CDC73: variants seen among roughly 807,000 people sequenced by gnomAD.
The protein encoded by CDC73 is parafibromin.
Under a neutral mutation model 83.7 loss-of-function variants are expected in CDC73, and 21 were observed. The observed-to-expected ratio is 0.25, with a 90% CI of 0.18 to 0.36. CDC73 has a LOEUF of 0.36. CDC73 is among the 10% of genes least tolerant of loss of function. The pLI is 1.00. For synonymous variants in CDC73, 224 were observed against 212.9 expected, an observed-to-expected ratio of 1.05 and a Z score of -0.45; for missense variants, 342 against 653.3, an observed-to-expected ratio of 0.52 and a Z score of 5.19.
In CDC73 at chr1:193,125,145, C is replaced by A; in HGVS notation, c.165C>A (p.Tyr55Ter). The change falls in exon 2 of 17, where the codon TAC becomes TAA. Residue 55 changes from tyrosine to a stop codon, truncating the protein, a stop_gained. Transcript: ENST00000367435. LOFTEE classifies it high-confidence loss of function. ...TGKEGQPREY[Y>*]TLDSILFLLN... The stretch of plus-strand genomic sequence containing the variant: ...AGGAAGGCCAACCCAGAGAGTACTA[C>A]ACATTGGATTCCATTTTATTTCTAC... 1 of 1,608,646 alleles carries A rather than the reference C, an allele frequency of 6.2e-7. No individual in the cohort carries two copies. The highest frequency in any genetic ancestry group is 8.5e-7 in the Non-Finnish European group (1 of 1,174,938).
At chr1:193,210,885 GAAA>G (rs140535902) in intron 11 of CDC73, among the ~76,000 whole-genome samples, 2 of 150,290 alleles carry the variant, frequency 1.3e-5, no homozygotes, top group Non-Finnish European at 3.0e-5. Context: ...TTAAAAGAAA[GAAA>G]AAAAAATAAA....
chr1:193,207,763 T>G (rs2103181570), intron 11 of CDC73, among the ~76,000 whole-genome samples: 1 of 152,306 alleles, frequency 6.6e-6, no homozygotes, highest in South Asian at 2.1e-4. Context: ...CACACATGTT[T>G]TACAATCAAT....
intron 10 of CDC73, among the ~76,000 whole-genome samples, chr1:193,191,221 A>T (rs1676912414): frequency 6.6e-6 from 1 of 152,170 alleles, no homozygotes; most frequent in Admixed American, 6.5e-5. Context: ...TCAAAAAATG[A>T]AATTGTGTTC....
At chr1:193,127,086 T>C (rs994772317) in intron 2 of CDC73, among the ~76,000 whole-genome samples, 1 of 151,592 alleles carries the variant, frequency 6.6e-6, no homozygotes, top group South Asian at 2.1e-4. Context: ...CTGGGCAACA[T>C]AGGGAAACTT....
intron 2 of CDC73, among the ~76,000 whole-genome samples, chr1:193,128,568 G>A (rs542543776): frequency 2.6e-5 from 4 of 152,090 alleles, no homozygotes; most frequent in African/African-American, 9.6e-5. Flanking sequence ...GCCTCCCAGA[G>A]TGTTAGGATT....
At chr1:193,156,851 G>T (rs1269321202) in intron 10 of CDC73, among the ~76,000 whole-genome samples, 1 of 152,070 alleles carries the variant, frequency 6.6e-6, no homozygotes, top group Non-Finnish European at 1.5e-5. Flanking sequence ...TTTGTTGAGT[G>T]CATGCTGTGT....
chr1:193,122,042 T>A lies in CDC73; in HGVS notation c.-159T>A. On this transcript the variant is annotated 5_prime_UTR_variant, in exon 1 of 17. Transcript: ENST00000367435. ...CGGCGGCCTGGGTGGCTACTGCCCC[T>A]GCTGCTGTCGTAGGCGAGGACGGCT... The A allele has an allele frequency of 2.9e-6, 2 of 686,260 alleles. No homozygotes were observed. Among genetic ancestry groups the A allele is most frequent in the Admixed American group, 2.3e-5 (1 of 42,780 alleles). 42.5% of individuals were successfully genotyped at this position (686,260 alleles called of 1,614,324 possible).
Position 193,249,311 on chromosome 1 carries a change from T to G in CDC73, c.1418-419T>G, listed in dbSNP as rs181833036. ...GTACACTGTTTTTTAGACATAATGC[T>G]ATTGCACACGTAATATAGACTGTGA... On this transcript the variant is annotated intron_variant, in intron 15 of 16. Coordinates refer to ENST00000367435, the MANE Select transcript of CDC73 (RefSeq NM_024529.5). Among the ~76,000 whole-genome samples, 234 of 152,202 alleles carry G rather than the reference T, an allele frequency of 1.5e-3. 1 individual carries two copies. Among genetic ancestry groups the G allele is most frequent in the East Asian group, 9.6e-4 (5 of 5,192 alleles).
At chr1:193,167,385 C>A (rs1246648382) in intron 10 of CDC73, among the ~76,000 whole-genome samples, 1 of 152,070 alleles carries the variant, frequency 6.6e-6, no homozygotes, top group Non-Finnish European at 1.5e-5. Context: ...TCGAATAAAC[C>A]ATAACTGAGT....
At chr1:193,207,486 C>T (rs1677207487) in intron 11 of CDC73, among the ~76,000 whole-genome samples, 1 of 152,162 alleles carries the variant, frequency 6.6e-6, no homozygotes, top group South Asian at 2.1e-4. Context: ...ATCTCAACCA[C>T]ATAAGACAGA....
intron 1 of CDC73, 82 bp downstream of exon 1, chr1:193,122,413 C>G (rs1675469499): frequency 6.4e-7 from 1 of 1,569,676 alleles, no homozygotes; most frequent in Non-Finnish European, 8.8e-7. Context: ...ACCCCTCCCC[C>G]CGTTTCCCCT....
At chr1:193,206,767 T>C (rs371572003) in intron 11 of CDC73, among the ~76,000 whole-genome samples, 1 of 152,256 alleles carries the variant, frequency 6.6e-6, no homozygotes, top group Non-Finnish European at 1.5e-5. Flanking sequence ...GGTGGAGTTC[T>C]GTTTTTTGAG....
intron 10 of CDC73, among the ~76,000 whole-genome samples, chr1:193,183,146 T>C (rs530674812): frequency 1.3e-5 from 2 of 151,946 alleles, no homozygotes; most frequent in African/African-American, 4.8e-5. Context: ...TTCACATACA[T>C]AACGTTAAGT....
rs1484164250 is a variant in CDC73 at position 193,250,805 on chromosome 1, T to C, written c.*93T>C. The C allele has an allele frequency of 9.0e-7, 1 of 1,106,144 alleles. No individual in the cohort carries two copies. The highest frequency in any genetic ancestry group is 1.4e-6 in the Non-Finnish European group (1 of 725,446). The allele number at this position is 1,106,144 out of a possible 1,614,324, so 68.5% of individuals were successfully genotyped here. ...TGAAGAAGGTCACAGATTGATCTTT[T>C]ATAAGACCTTATTTGATGCTTTGTG... On this transcript the variant is annotated 3_prime_UTR_variant, in exon 17 of 17. Transcript: ENST00000367435.
At chr1:193,137,450 A>G (rs756659626) in intron 5 of CDC73, among the ~76,000 whole-genome samples, 3 of 152,194 alleles carry the variant, frequency 2.0e-5, no homozygotes, top group Non-Finnish European at 4.4e-5. Context: ...GATCAGGGTT[A>G]CCAGATTTTG....
chr1:193,125,100 T>A lies in CDC73; in HGVS notation c.132-12T>A, dbSNP rs751268088. ...ATTGTCAGTAAAAAAAATCTTGCCT[T>A]AATTATTTCAGGACTGGAAAGGAAG... On this transcript the variant is annotated splice_polypyrimidine_tract_variant and intron_variant, in intron 1 of 16. Transcript: ENST00000367435. The A allele has an allele frequency of 1.3e-5, 18 of 1,394,696 alleles. No individual in the cohort carries two copies. Among genetic ancestry groups the A allele is most frequent in the South Asian group, 1.0e-4 (9 of 86,828 alleles). The allele number at this position is 1,394,696 out of a possible 1,614,324, so 86.4% of individuals were successfully genotyped here. A position where few individuals can be genotyped will look rare whatever the true frequency, so the allele number is the denominator to read the frequency against.
Position 193,203,864 on chromosome 1 carries a change from G to T in CDC73, c.1030+12G>T, listed in dbSNP as rs1227935949. On this transcript the variant is annotated intron_variant, in intron 11 of 16. Coordinates refer to ENST00000367435, the MANE Select transcript of CDC73 (RefSeq NM_024529.5). ...AGTACCAAGACCAGGTAGAAATATA[G>T]AACTTTGCTTTTTGTTTTCTTTCAA... The T allele has an allele frequency of 6.2e-7, 1 of 1,612,488 alleles. No homozygotes were observed. The highest frequency in any genetic ancestry group is 8.5e-7 in the Non-Finnish European group (1 of 1,178,608).
chr1:193,167,344 C>G (rs987446188), intron 10 of CDC73, among the ~76,000 whole-genome samples: 1 of 152,072 alleles, frequency 6.6e-6, no homozygotes, highest in Non-Finnish European at 1.5e-5. Context: ...AGGCTAATTC[C>G]TCAGCCACTT....
Position 193,148,639 on chromosome 1 carries a change from ATTTTTT to A in CDC73, c.828+695_828+700del, listed in dbSNP as rs894987430. Among the ~76,000 whole-genome samples the A allele has an allele frequency of 1.9e-4, 22 of 113,682 alleles. No homozygotes were observed. In the East Asian group the frequency reaches 3.0e-3, roughly 16 times the overall value. The allele number at this position is 113,682 out of a possible 152,430, so 74.6% of individuals were successfully genotyped here. ...AGATTCTATAAATAGAAAATTTATA[ATTTTTT>A]TTTTTTTTTTTTTTTTTTTTGAGAC... On this transcript the variant is annotated intron_variant, in intron 8 of 16. Transcript: ENST00000367435.
Sources: gnomAD v4.1 joint callset for allele counts (sites outside exome capture counted in the v4.1 genomes callset) on GRCh38, gnomAD v4.1.1 for gene constraint, MANE v1.5 for transcripts, NCBI Gene and HGNC (gene_info 2026-07-23, HGNC 2026-07-21) for gene names.